P2RX4: variants seen among roughly 807,000 people sequenced by gnomAD.
P2RX4 encodes P2X purinoceptor 4.
Under a neutral mutation model 48.0 loss-of-function variants are expected in P2RX4, and 37 were observed. That is an observed-to-expected ratio of 0.77 (90% CI 0.59 to 1.01). The LOEUF (loss-of-function observed/expected upper bound fraction) is 1.01. P2RX4 is among the 50% of genes least tolerant of loss of function. The probability of loss-of-function intolerance (pLI) is 0.00; values close to 1 mark genes in which losing one functional copy is unlikely to be tolerated. For synonymous variants in P2RX4, 200 were observed against 199.7 expected (o/e 1.00, Z -0.01); for missense variants, 501 against 521.4 (o/e 0.96, Z 0.38).
intron 5 of P2RX4, among the ~76,000 whole-genome samples, chr12:121,225,594 G>C (rs1466631519): frequency 4.6e-5 from 7 of 151,732 alleles, no homozygotes; most frequent in African/African-American, 1.7e-4. Context: ...TGTATTTTTA[G>C]TAGAGAGGGG....
chr12:121,227,509 G>A (rs527757182), intron 5 of P2RX4, among the ~76,000 whole-genome samples: 7 of 152,298 alleles, frequency 4.6e-5, no homozygotes, highest in South Asian at 4.1e-4. Flanking sequence ...CTGTAAAACC[G>A]GATCTGCCCA....
chr12:121,233,434 T>C, intron 11 of P2RX4, 89 bp from the exon 12 acceptor site: 1 of 1,415,496 alleles, frequency 7.1e-7, no homozygotes, highest in Non-Finnish European at 9.8e-7. Flanking sequence ...TGAGAACCCC[T>C]GGCGGTGAAG....
intron 2 of P2RX4, among the ~76,000 whole-genome samples, chr12:121,219,605 ATGGATGGATG>A: frequency 8.5e-6 from 1 of 118,058 alleles, no homozygotes; most frequent in African/African-American, 3.1e-5. Flanking sequence ...GGATGGATGG[ATGGATGGATG>A]GATAGATAGA....
At chr12:121,217,965 C>CTT (rs1886342126) in intron 2 of P2RX4, among the ~76,000 whole-genome samples, 1 of 152,096 alleles carries the variant, frequency 6.6e-6, no homozygotes, top group Non-Finnish European at 1.5e-5. Context: ...GTCCTGGTAA[C>CTT]AGCTCTGCAC....
At position 121,229,198 on chromosome 12, in the gene P2RX4, A is replaced by C. The variant is rs1593223462; in HGVS notation, c.884+99A>C. On this transcript the variant is annotated intron_variant, in intron 8 of 11. Coordinates refer to ENST00000337233, the MANE Select transcript of P2RX4 (RefSeq NM_002560.3). This position sits in a 1 kb window ranked among gnomAD's most constrained non-coding sequence, Gnocchi z 4.6. ...CACTGAAGACCAGCACTCAGGCAGC[A>C]CCCCAAGGGCAGGCTGCCGGTCCCC... The C allele has an allele frequency of 7.0e-7, 1 of 1,434,856 alleles. No individual in the cohort carries two copies. 88.9% of individuals were successfully genotyped at this position (1,434,856 alleles called of 1,614,324 possible). A position where few individuals can be genotyped will look rare whatever the true frequency, so the allele number is the denominator to read the frequency against.
Position 121,221,897 on chromosome 12 carries a change from T to C in P2RX4, c.283-16T>C, listed in dbSNP as rs752452092. On this transcript the variant is annotated splice_polypyrimidine_tract_variant and intron_variant, in intron 2 of 11. Transcript: ENST00000337233. ...TCCTCTGAGCGTGGCTTGCCCGTGC[T>C]GTCTCCCCTCTGCAGGAGGAAAACT... is the stretch of plus-strand genomic sequence containing the variant. The C allele has an allele frequency of 6.2e-7, 1 of 1,613,666 alleles. No individual in the cohort carries two copies. The highest frequency in any genetic ancestry group is 1.1e-5 in the South Asian group (1 of 91,080).
In P2RX4 at chr12:121,222,329, G is replaced by T. The variant is rs955339083; in HGVS notation, c.427+163G>T. 3 of 620,244 alleles carry T rather than the reference G, an allele frequency of 4.8e-6. No individual in the cohort carries two copies. The African/African-American group carries it at 5.5e-5, about 11-fold the overall frequency. 38.4% of individuals were successfully genotyped at this position (620,244 alleles called of 1,614,324 possible). A position where few individuals can be genotyped will look rare whatever the true frequency, so the allele number is the denominator to read the frequency against. On this transcript the variant is annotated intron_variant, in intron 4 of 11. Coordinates refer to ENST00000337233, the MANE Select transcript of P2RX4 (RefSeq NM_002560.3). The stretch of plus-strand genomic sequence containing the variant: ...CCCCTCTACATTCACTGCTGTCATT[G>T]GAGCCCCACAAGCCATCCCAGCTCT...
intron 4 of P2RX4, 128 bp downstream of exon 4, chr12:121,222,294 G>C: frequency 1.4e-6 from 1 of 703,644 alleles, no homozygotes; most frequent in East Asian, 2.5e-5. Context: ...CCGAGGCTGG[G>C]GTCCTGGAGC....
At chr12:121,223,278 G>C in intron 5 of P2RX4, 1 of 470,136 alleles carries the variant, frequency 2.1e-6, no homozygotes, top group Non-Finnish European at 3.9e-6. Context: ...GTTTTGCCAT[G>C]TTGGCCACGC....
chr12:121,226,635 G>C (rs561036887), intron 5 of P2RX4, among the ~76,000 whole-genome samples: 1 of 152,320 alleles, frequency 6.6e-6, no homozygotes, highest in East Asian at 1.9e-4. Context: ...GAATTGTCCA[G>C]TTTAAAATGG....
chr12:121,210,226 T>G lies in P2RX4; in HGVS notation c.62T>G (p.Val21Gly), dbSNP rs766982456. 6.4e-7 allele frequency: 1 copy of G among 1,562,668 alleles called. No homozygotes were observed. The highest frequency in any genetic ancestry group is 8.6e-7 in the Non-Finnish European group (1 of 1,158,890). ...FLFEYDTPRI[V>G]LIRSRKVGLM... ...TTCGAGTACGACACGCCGCGCATCG[T>G]GCTCATCCGCAGCCGCAAAGTGGGG... The change falls in exon 1 of 12, where the codon GTG becomes GGG. Residue 21 changes from valine to glycine, a missense_variant. By Grantham distance (109) the Val-to-Gly change is moderately radical (BLOSUM62 -3). Around this residue, in one of 3 missense-constraint regions of P2RX4, gnomAD observed 295 missense variants for 275.3 expected, o/e 1.07. Coordinates refer to ENST00000337233, the MANE Select transcript of P2RX4 (RefSeq NM_002560.3).
intron 5 of P2RX4, among the ~76,000 whole-genome samples, chr12:121,227,974 A>G (rs112593845): frequency 1.9e-4 from 28 of 151,348 alleles, no homozygotes; most frequent in African/African-American, 6.8e-4. Context: ...GCATGCCTAT[A>G]GTTCCAGCTA....
intron 2 of P2RX4, among the ~76,000 whole-genome samples, chr12:121,219,678 A>T (rs974119701): frequency 1.3e-5 from 2 of 152,018 alleles, no homozygotes; most frequent in Admixed American, 1.3e-4. Context: ...GAAAGAATAG[A>T]TAAATGATAG....
rs59531893 is a variant in P2RX4, at chr12:121,223,439, T to C, written c.524+396T>C. 7.6e-3 allele frequency: 2,065 copies of C among 271,872 alleles called. 51 individuals are homozygous for C. The highest frequency in any genetic ancestry group is 0.042 in the African/African-American group (1,901 of 45,350). 16.8% of individuals were successfully genotyped at this position (271,872 alleles called of 1,614,324 possible). ...GCGTGTCAGCCTTGAACAGAGGTGG[T>C]CAAGGAGTTACACCTGTGTGTTGTG... On this transcript the variant is annotated intron_variant, in intron 5 of 11. Coordinates refer to ENST00000337233, the MANE Select transcript of P2RX4 (RefSeq NM_002560.3).
intron 1 of P2RX4, chr12:121,214,753 C>T (rs1242503113): frequency 6.6e-6 from 1 of 152,246 alleles, no homozygotes; most frequent in Non-Finnish European, 1.5e-5. Flanking sequence ...TGCTCGATCA[C>T]ACACACTCAT....
At chr12:121,230,780 T>C (rs984898727) in intron 8 of P2RX4, among the ~76,000 whole-genome samples, 8 of 152,000 alleles carry the variant, frequency 5.3e-5, no homozygotes, top group African/African-American at 1.9e-4. Context: ...GGAGCTAGGG[T>C]GCGGGCCGAG....
chr12:121,230,074 G>A (rs761190351), intron 8 of P2RX4, among the ~76,000 whole-genome samples: 2 of 152,100 alleles, frequency 1.3e-5, no homozygotes, highest in Non-Finnish European at 2.9e-5. Context: ...AAATTTCCAC[G>A]TACCCTTTGT....
chr12:121,213,962 G>A (rs1411836155), intron 1 of P2RX4: 1 of 152,162 alleles, frequency 6.6e-6, no homozygotes, highest in African/African-American at 2.4e-5. Context: ...TACTTTGGGA[G>A]GCTGAGGCAA....
intron 1 of P2RX4, 41 bp from the exon 2 acceptor site, chr12:121,217,093 G>T (rs1886274699): frequency 6.2e-7 from 1 of 1,604,220 alleles, no homozygotes. Flanking sequence ...CAAATCCATT[G>T]AATCCTAATG....
Sources: gnomAD v4.1 joint callset for allele counts (sites outside exome capture counted in the v4.1 genomes callset) on GRCh38, gnomAD v4.1.1 for gene constraint, gnomAD v4.1.1 regional missense constraint, Gnocchi (gnomAD v3.1) non-coding constraint, MANE v1.5 for transcripts, NCBI Gene and HGNC (gene_info 2026-07-23, HGNC 2026-07-21) for gene names.